IFT88: variants seen among roughly 807,000 people sequenced by gnomAD.
The protein encoded by IFT88 is intraflagellar transport protein 88 homolog.
A neutral mutation model predicts 119.5 loss-of-function variants in IFT88; 74 were observed. That is an observed-to-expected ratio of 0.62 (90% CI 0.51 to 0.75). IFT88 has a LOEUF of 0.75. Ranked by LOEUF, IFT88 falls within the 30% of genes least tolerant of loss-of-function variation. The probability of loss-of-function intolerance (pLI) is 0.00; values close to 1 mark genes in which losing one functional copy is unlikely to be tolerated. For missense variants in IFT88, 961 were observed against 977.7 expected, an observed-to-expected ratio of 0.98 and a Z score of 0.23; for synonymous variants, 279 against 316.7, an observed-to-expected ratio of 0.88 and a Z score of 1.26.
intron 20 of IFT88, among the ~76,000 whole-genome samples, chr13:20,647,275 T>C (rs1392863829): frequency 6.6e-6 from 1 of 152,218 alleles, no homozygotes; most frequent in Non-Finnish European, 1.5e-5. Flanking sequence ...CTATACCATA[T>C]ATCTTAATTT....
At chr13:20,687,721 T>TAA (rs59987973) in intron 24 of IFT88, among the ~76,000 whole-genome samples, 1 of 150,070 alleles carries the variant, frequency 6.7e-6, no homozygotes, top group Non-Finnish European at 1.5e-5. Context: ...TGTTGCGTGT[T>TAA]AAAAAAAGAA....
Position 20,599,585 on chromosome 13 carries a change from T to C in IFT88, c.812+20T>C. On this transcript the variant is annotated intron_variant, in intron 11 of 25. Coordinates refer to ENST00000351808, the MANE Select transcript of IFT88 (RefSeq NM_006531.5). Reference sequence around the variant, plus strand: ...AATGAGGTAAGTTTATAACAATAGATAATAATTGTAAAATTTAAGTGTTTT... The same window carrying C: ...AATGAGGTAAGTTTATAACAATAGACAATAATTGTAAAATTTAAGTGTTTT... 9.6e-7 allele frequency: 1 copy of C among 1,038,574 alleles called. No individual in the cohort carries two copies. Among genetic ancestry groups the C allele is most frequent in the Non-Finnish European group, 1.4e-6 (1 of 692,748 alleles). The allele number at this position is 1,038,574 out of a possible 1,614,324, so 64.3% of individuals were successfully genotyped here.
At chr13:20,637,128 G>A (rs1193095749) in intron 16 of IFT88, among the ~76,000 whole-genome samples, 1 of 152,324 alleles carries the variant, frequency 6.6e-6, no homozygotes, top group East Asian at 1.9e-4. Flanking sequence ...GGTTGCCAGG[G>A]GCTGGGGGAA....
chr13:20,573,495 A>G (rs186488485), intron 1 of IFT88, among the ~76,000 whole-genome samples: 81 of 152,306 alleles, frequency 5.3e-4, no homozygotes, highest in African/African-American at 1.8e-3. Context: ...GTCGACAGCT[A>G]CTATGAACAT....
At position 20,601,848 on chromosome 13, in the gene IFT88, G is replaced by A. The variant is rs1373202233; in HGVS notation, c.956G>A (p.Gly319Glu). Reference protein sequence around the residue: ...YNLTICYFAIGDREKMKKAFQ... With the variant: ...YNLTICYFAIEDREKMKKAFQ... Reference sequence around the variant, plus strand: ...CTAACTATCTGTTATTTTGCTATTGGAGACCGAGAAAAAATGAAGAAGGCA... The same window carrying A: ...CTAACTATCTGTTATTTTGCTATTGAAGACCGAGAAAAAATGAAGAAGGCA... Residue 319 changes from glycine (G) to glutamate (E), a missense_variant, in exon 12 of 26, where the codon GGA (glycine) becomes GAA (glutamate). Coordinates refer to ENST00000351808, the MANE Select transcript of IFT88 (RefSeq NM_006531.5). 6.2e-7 allele frequency: 1 copy of A among 1,613,272 alleles called. No individual in the cohort carries two copies. The highest frequency in any genetic ancestry group is 8.5e-7 in the Non-Finnish European group (1 of 1,179,334).
intron 15 of IFT88, among the ~76,000 whole-genome samples, chr13:20,630,233 A>AT (rs1284183971): frequency 1.3e-5 from 2 of 152,256 alleles, no homozygotes; most frequent in South Asian, 2.1e-4. Context: ...TTCTAGGAAC[A>AT]TTTTTTAGCC....
intron 24 of IFT88, 45 bp from the exon 25 acceptor site, chr13:20,690,660 T>C: frequency 7.9e-7 from 1 of 1,271,042 alleles, no homozygotes; most frequent in Non-Finnish European, 1.2e-6. Context: ...GTTTTATGTT[T>C]TCTCAACATA....
intron 2 of IFT88, among the ~76,000 whole-genome samples, chr13:20,579,097 C>A (rs2138168200): frequency 6.6e-6 from 1 of 152,254 alleles, no homozygotes; most frequent in East Asian, 1.9e-4. Context: ...GTTCGAGATG[C>A]ATCATTAGGT....
At chr13:20,681,166 G>A (rs191065884) in intron 24 of IFT88, among the ~76,000 whole-genome samples, 1 of 152,336 alleles carries the variant, frequency 6.6e-6, no homozygotes, top group Admixed American at 6.5e-5. Flanking sequence ...TGTAGCTAGA[G>A]CTTGGCTAGT....
intron 24 of IFT88, among the ~76,000 whole-genome samples, chr13:20,678,596 G>C (rs1302254317): frequency 1.3e-5 from 2 of 152,192 alleles, no homozygotes; most frequent in African/African-American, 2.4e-5. Flanking sequence ...GGAGGGGCCA[G>C]GTTTTCCTTG....
rs71745895 is a variant in IFT88, at chr13:20,598,215, ATAAAT to A, written c.595-432_595-428del. Among the ~76,000 whole-genome samples, 644 of 152,320 alleles carry A rather than the reference ATAAAT, an allele frequency of 4.2e-3. 1 individual carries two copies. The highest frequency in any genetic ancestry group is 6.8e-3 in the Non-Finnish European group (461 of 68,018). On this transcript the variant is annotated intron_variant, in intron 9 of 25. Transcript: ENST00000351808. ...TTTACCTTTAGGAACATAATTTACT[ATAAAT>A]TAATTACTTAAATTGTAATTTAGTA...
chr13:20,682,722 A>G (rs1231583446), intron 24 of IFT88, among the ~76,000 whole-genome samples: 1 of 152,206 alleles, frequency 6.6e-6, no homozygotes, highest in African/African-American at 2.4e-5. Flanking sequence ...AAAGAATATC[A>G]TCTATATAAT....
At chr13:20,623,130 G>A (rs962116653) in intron 14 of IFT88, among the ~76,000 whole-genome samples, 3 of 152,164 alleles carry the variant, frequency 2.0e-5, no homozygotes, top group Admixed American at 1.3e-4. Context: ...TGTATATGTG[G>A]TGGTTTGTTT....
At chr13:20,614,138 T>G (rs2045164297) in intron 13 of IFT88, among the ~76,000 whole-genome samples, 1 of 152,180 alleles carries the variant, frequency 6.6e-6, no homozygotes, top group South Asian at 2.1e-4. Flanking sequence ...TTTTAAAAAT[T>G]CAGAAATATG....
intron 20 of IFT88, among the ~76,000 whole-genome samples, chr13:20,651,014 C>G (rs752354408): frequency 6.6e-6 from 1 of 152,066 alleles, no homozygotes; most frequent in African/African-American, 2.4e-5. Context: ...ATTCTAGATT[C>G]TATTGTGTTG....
chr13:20,598,075 A>T (rs1199253583), intron 9 of IFT88, among the ~76,000 whole-genome samples: 2 of 152,186 alleles, frequency 1.3e-5, no homozygotes, highest in African/African-American at 4.8e-5. Context: ...TTCATATGCT[A>T]AACACATAGG....
intron 16 of IFT88, among the ~76,000 whole-genome samples, chr13:20,637,814 CT>C (rs144889849): frequency 4.6e-5 from 7 of 152,306 alleles, no homozygotes; most frequent in African/African-American, 1.7e-4. Flanking sequence ...CTTAACCAAG[CT>C]GACCTGGCAC....
At chr13:20,665,823 C>T (rs1168402892) in intron 23 of IFT88, among the ~76,000 whole-genome samples, 1 of 152,104 alleles carries the variant, frequency 6.6e-6, no homozygotes, top group Non-Finnish European at 1.5e-5. Context: ...GGTCTTTGCT[C>T]CGAGAGGAGG....
intron 1 of IFT88, among the ~76,000 whole-genome samples, chr13:20,567,470 C>G (rs1230735389): frequency 6.6e-6 from 1 of 152,240 alleles, no homozygotes; most frequent in African/African-American, 2.4e-5. Flanking sequence ...GAAACGCGGG[C>G]GTTGTTTCTC....
Sources: allele counts gnomAD v4.1 joint callset (sites outside exome capture counted in the v4.1 genomes callset), GRCh38; gene constraint gnomAD v4.1.1; transcripts MANE v1.5; gene names NCBI Gene and HGNC (gene_info 2026-07-23, HGNC 2026-07-21).